Variants in KPNA5 observed in about 807,000 individuals in gnomAD.
KPNA5 encodes karyopherin subunit alpha 5.
A neutral mutation model predicts 71.3 loss-of-function variants in KPNA5; 46 were observed. The observed-to-expected ratio is 0.65, with a 90% CI of 0.51 to 0.83. KPNA5 has a LOEUF of 0.83. Among genes scored for constraint, KPNA5 ranks in the 40% least tolerant of loss-of-function variants. The pLI is 0.00. For missense variants in KPNA5, 547 were observed against 628.3 expected (o/e 0.87, Z 1.38); for synonymous variants, 207 against 201.4 (o/e 1.03, Z -0.24).
Position 116,725,841 on chromosome 6 carries a change from T to C in KPNA5, c.1090T>C (p.Ser364Pro). Residue 364 changes from serine (S) to proline (P), a missense_variant, in exon 11 of 14, where the codon TCT becomes CCT. Transcript: ENST00000368564. ...SIRKEACWTV[S>P]NITAGNRAQI... is the part of the protein sequence containing the mutation. ...TAGAAAAGAAGCCTGCTGGACTGTT[T>C]CTAACATCACTGCTGGAAATAGAGC... 1 of 1,613,394 alleles carries C rather than the reference T, an allele frequency of 6.2e-7. No individual in the cohort carries two copies. Among genetic ancestry groups the C allele is most frequent in the East Asian group, 2.2e-5 (1 of 44,838 alleles).
At chr6:116,696,945 T>G (rs1203060579) in intron 4 of KPNA5, among the ~76,000 whole-genome samples, 1 of 151,992 alleles carries the variant, frequency 6.6e-6, no homozygotes, top group Admixed American at 6.6e-5. Context: ...TATGTGTGTG[T>G]GTGGGGGGGT....
At position 116,725,811 on chromosome 6, in the gene KPNA5, T is replaced by G. The variant is rs1779267379; in HGVS notation, c.1060T>G (p.Ser354Ala). Residue 354 changes from serine (S) to alanine (A), a missense_variant, in exon 11 of 14, where the codon TCA (serine) becomes GCA (alanine). Ser to Ala is a moderately conservative substitution (Grantham distance 99). Coordinates refer to ENST00000368564, the MANE Select transcript of KPNA5 (RefSeq NM_001366306.2). ...LLHLLSSPKE[S>A]IRKEACWTVS... ...ACATTTATTGAGTAGCCCAAAGGAG[T>G]CAATTAGAAAAGAAGCCTGCTGGAC... 6.2e-7 allele frequency: 1 copy of G among 1,612,952 alleles called. No homozygotes were observed. The highest frequency in any genetic ancestry group is 8.5e-7 in the Non-Finnish European group (1 of 1,179,514).
intron 1 of KPNA5, among the ~76,000 whole-genome samples, chr6:116,688,654 T>C (rs1290981848): frequency 6.6e-6 from 1 of 152,164 alleles, no homozygotes; most frequent in African/African-American, 2.4e-5. Context: ...GGTATATAAA[T>C]GTTAATGTTT....
At chr6:116,728,171 T>C (rs1441743718) in intron 12 of KPNA5, among the ~76,000 whole-genome samples, 1 of 152,160 alleles carries the variant, frequency 6.6e-6, no homozygotes, top group African/African-American at 2.4e-5. Context: ...CAGTAATAAA[T>C]GAAGACCCTT....
At position 116,738,760 on chromosome 6, in the gene KPNA5, T is replaced by A. The variant is rs1214979982; in HGVS notation, c.*6437T>A. 6.6e-6 allele frequency: 1 copy of A among 152,186 alleles called. No homozygotes were observed. The highest frequency in any genetic ancestry group is 1.5e-5 in the Non-Finnish European group (1 of 68,054). 9.4% of individuals were successfully genotyped at this position (152,186 alleles called of 1,614,324 possible). A position where few individuals can be genotyped will look rare whatever the true frequency, so the allele number is the denominator to read the frequency against. On this transcript the variant is annotated 3_prime_UTR_variant, in exon 14 of 14. Coordinates refer to ENST00000368564, the MANE Select transcript of KPNA5 (RefSeq NM_001366306.2). ...ACCAAAGACAAAAAACACATGATTA[T>A]CTCAACAAATGCAGAAAAGGCCTTC...
At chr6:116,711,041 C>T (rs919298238) in intron 7 of KPNA5, among the ~76,000 whole-genome samples, 2 of 150,872 alleles carry the variant, frequency 1.3e-5, no homozygotes, top group Non-Finnish European at 3.0e-5. Flanking sequence ...ATTACAGGTG[C>T]ATGCCACCAT....
At chr6:116,689,560 C>A in intron 2 of KPNA5, 107 bp downstream of exon 2, 1 of 981,288 alleles carries the variant, frequency 1.0e-6, no homozygotes, top group Non-Finnish European at 1.4e-6. Flanking sequence ...ATAGCTAAAT[C>A]TATTATTTAT....
intron 8 of KPNA5, among the ~76,000 whole-genome samples, chr6:116,717,364 C>T (rs1394174540): frequency 6.6e-6 from 1 of 152,194 alleles, no homozygotes; most frequent in Non-Finnish European, 1.5e-5. Flanking sequence ...ACAACAGTCT[C>T]CTTGTAGGTA....
At chr6:116,710,900 T>A (rs1200479715) in intron 7 of KPNA5, among the ~76,000 whole-genome samples, 16,628 of 105,384 alleles carry the variant, frequency 0.16, 2,092 homozygotes, top group African/African-American at 0.32. Flanking sequence ...TATATTTTTT[T>A]TTTTTTTTTT....
rs574529748 is a variant in KPNA5, at chr6:116,714,722, A to C, written c.657-1497A>C. On this transcript the variant is annotated intron_variant, in intron 7 of 13. Transcript: ENST00000368564. ...TCAACATCTCATTCATTTGCCTTTT[A>C]ATGTTTTTGAGGACCATTCTTTATT... 1.5e-4 allele frequency among the ~76,000 whole-genome samples: 23 copies of C among 152,202 alleles called. No homozygotes were observed. In the East Asian group the frequency reaches 4.4e-3, roughly 29 times the overall value.
At chr6:116,684,069 T>C (rs1032997789) in intron 1 of KPNA5, among the ~76,000 whole-genome samples, 23 of 151,882 alleles carry the variant, frequency 1.5e-4, no homozygotes, top group African/African-American at 5.6e-4. Flanking sequence ...TCTACCAGCA[T>C]GCCCAGCTGA....
At chr6:116,683,892 C>T (rs796543479) in intron 1 of KPNA5, among the ~76,000 whole-genome samples, 90 of 141,750 alleles carry the variant, frequency 6.3e-4, no homozygotes, top group African/African-American at 1.0e-3. Flanking sequence ...CCACCGTGCC[C>T]GGCCTTTTTT....
chr6:116,733,085 A>G lies in KPNA5; in HGVS notation c.*762A>G, dbSNP rs948728298. The G allele has an allele frequency of 6.6e-6, 1 of 151,852 alleles. No homozygotes were observed. Among genetic ancestry groups the G allele is most frequent in the African/African-American group, 2.4e-5 (1 of 41,426 alleles). The allele number at this position is 151,852 out of a possible 1,614,324, so 9.4% of individuals were successfully genotyped here. A position where few individuals can be genotyped will look rare whatever the true frequency, so the allele number is the denominator to read the frequency against. On this transcript the variant is annotated 3_prime_UTR_variant, in exon 14 of 14. Transcript: ENST00000368564. ...TATTAGTATATTTTGTATTTCAACC[A>G]AATATGCTACCATTTTTGAAATAGT...
At chr6:116,690,164 G>T (rs922064099) in intron 2 of KPNA5, among the ~76,000 whole-genome samples, 1 of 150,856 alleles carries the variant, frequency 6.6e-6, no homozygotes, top group Non-Finnish European at 1.5e-5. Context: ...TGAACTCCTC[G>T]CCTCAAGCAA....
chr6:116,739,432 T>C lies in KPNA5; in HGVS notation c.*7109T>C, dbSNP rs1779789229. The C allele has an allele frequency of 6.6e-6, 1 of 152,076 alleles. No individual in the cohort carries two copies. Among genetic ancestry groups the C allele is most frequent in the Non-Finnish European group, 1.5e-5 (1 of 68,006 alleles). 9.4% of individuals were successfully genotyped at this position (152,076 alleles called of 1,614,324 possible). A position where few individuals can be genotyped will look rare whatever the true frequency, so the allele number is the denominator to read the frequency against. On this transcript the variant is annotated 3_prime_UTR_variant, in exon 14 of 14. Transcript: ENST00000368564. ...AAAATGGCCATACTGCCCAAGGTAA[T>C]TTATAGATTCAATGCCATCCCCATC...
At chr6:116,691,122 A>G (rs1024769207) in intron 2 of KPNA5, among the ~76,000 whole-genome samples, 2 of 152,274 alleles carry the variant, frequency 1.3e-5, no homozygotes, top group Non-Finnish European at 2.9e-5. Flanking sequence ...CCAGCTACTC[A>G]GGAGGTTTAG....
rs1451326116 is a variant in KPNA5 at position 116,738,117 on chromosome 6, GAAGAA to G, written c.*5799_*5803del. On this transcript the variant is annotated 3_prime_UTR_variant, in exon 14 of 14. Coordinates refer to ENST00000368564, the MANE Select transcript of KPNA5 (RefSeq NM_001366306.2). ...ACAGACCGTTAGCAAGACTAATAAA[GAAGAA>G]AAGAGAGAAGAATCAAATAGACGCA... The G allele has an allele frequency of 6.6e-6, 1 of 151,786 alleles. No homozygotes were observed. Among genetic ancestry groups the G allele is most frequent in the Non-Finnish European group, 1.5e-5 (1 of 67,924 alleles). The allele number at this position is 151,786 out of a possible 1,614,324, so 9.4% of individuals were successfully genotyped here. A position where few individuals can be genotyped will look rare whatever the true frequency, so the allele number is the denominator to read the frequency against.
chr6:116,729,744 A>G lies in KPNA5; in HGVS notation c.1432+3A>G. ...TGCTCTCATTGAAGAAGCATATGGT[A>G]AGCAATCAGTTAAAAATTTGCAATT... On this transcript the variant is annotated splice_donor_region_variant and intron_variant, in intron 13 of 13. Coordinates refer to ENST00000368564, the MANE Select transcript of KPNA5 (RefSeq NM_001366306.2). 4 of 1,484,200 alleles carry G rather than the reference A, an allele frequency of 2.7e-6. No homozygotes were observed. The highest frequency in any genetic ancestry group is 3.6e-6 in the Non-Finnish European group (4 of 1,108,932). The allele number at this position is 1,484,200 out of a possible 1,614,324, so 91.9% of individuals were successfully genotyped here.
Position 116,733,700 on chromosome 6 carries a change from T to TA in KPNA5, c.*1378dup, listed in dbSNP as rs1393867893. 1 of 151,644 alleles carries TA rather than the reference T, an allele frequency of 6.6e-6. No individual in the cohort carries two copies. The highest frequency in any genetic ancestry group is 2.4e-5 in the African/African-American group (1 of 41,432). 9.4% of individuals were successfully genotyped at this position (151,644 alleles called of 1,614,324 possible). On this transcript the variant is annotated 3_prime_UTR_variant, in exon 14 of 14. Coordinates refer to ENST00000368564, the MANE Select transcript of KPNA5 (RefSeq NM_001366306.2). ...CGTAGGCTATTTATGTGTCCAATTG[T>TA]ATACCTAGAATACTTACTTAAAACT... is the stretch of plus-strand genomic sequence containing the variant.
Sources: gnomAD v4.1 joint callset for allele counts (sites outside exome capture counted in the v4.1 genomes callset) on GRCh38, gnomAD v4.1.1 for gene constraint, MANE v1.5 for transcripts, NCBI Gene and HGNC (gene_info 2026-07-23, HGNC 2026-07-21) for gene names.